Variants in TRPC7 observed in about 807,000 individuals in gnomAD.
TRPC7 encodes the protein transient receptor potential cation channel subfamily C member 7, also known as short transient receptor potential channel 7.
TRPC7 carries 42 observed loss-of-function variants against 90.1 expected under a neutral mutation model. The ratio of observed to expected loss-of-function variants is 0.47; its 90% CI spans 0.36 to 0.60. The LOEUF is 0.60. Ranked by LOEUF, TRPC7 falls within the 20% of genes least tolerant of loss-of-function variation. The pLI is 0.00. For synonymous variants in TRPC7, 451 were observed against 436.3 expected, an observed-to-expected ratio of 1.03 and a Z score of -0.42; for missense variants, 955 against 1,112.3, an observed-to-expected ratio of 0.86 and a Z score of 2.01.
At chr5:136,327,888 T>G (rs965009391) in intron 2 of TRPC7, among the ~76,000 whole-genome samples, 2 of 152,200 alleles carry the variant, frequency 1.3e-5, no homozygotes, top group African/African-American at 4.8e-5. Context: ...TGTTAAAATT[T>G]AACACACATG....
intron 8 of TRPC7, 77 bp from the exon 9 acceptor site, chr5:136,226,332 C>G: frequency 9.5e-7 from 1 of 1,051,042 alleles, no homozygotes; most frequent in Non-Finnish European, 1.4e-6. Context: ...GGAGCAGAGA[C>G]ACAGCCCCAA....
intron 2 of TRPC7, among the ~76,000 whole-genome samples, chr5:136,327,136 G>A (rs1170993241): frequency 4.6e-5 from 7 of 152,178 alleles, no homozygotes; most frequent in Non-Finnish European, 7.3e-5. Flanking sequence ...CTGAGCCAGC[G>A]TGTTGGAATG....
At chr5:136,271,339 C>T (rs1265676300) in intron 4 of TRPC7, among the ~76,000 whole-genome samples, 2 of 152,232 alleles carry the variant, frequency 1.3e-5, no homozygotes, top group Non-Finnish European at 2.9e-5. Flanking sequence ...TTCTCCTTCC[C>T]TGTTATAATT....
chr5:136,257,252 A>C (rs1580870124), intron 5 of TRPC7, among the ~76,000 whole-genome samples: 1 of 148,194 alleles, frequency 6.7e-6, no homozygotes, highest in South Asian at 2.1e-4. Context: ...GTGCGATCTC[A>C]GCTCACTGCA....
chr5:136,350,748 C>T (rs1234967130), intron 2 of TRPC7, among the ~76,000 whole-genome samples: 2 of 152,220 alleles, frequency 1.3e-5, no homozygotes, highest in African/African-American at 4.8e-5. Flanking sequence ...ACTTTGACTA[C>T]ATTTCACCTG....
At chr5:136,258,423 A>T (rs1272276686) in intron 5 of TRPC7, among the ~76,000 whole-genome samples, 1 of 152,214 alleles carries the variant, frequency 6.6e-6, no homozygotes, top group Non-Finnish European at 1.5e-5. Flanking sequence ...TGCCTCCAGC[A>T]TGTCAATCAC....
intron 2 of TRPC7, among the ~76,000 whole-genome samples, chr5:136,345,368 C>T (rs1163933835): frequency 6.6e-6 from 1 of 152,022 alleles, no homozygotes; most frequent in Non-Finnish European, 1.5e-5. Context: ...CCAGCCTGGC[C>T]AACATGGCGA....
chr5:136,262,236 T>C (rs370647371), intron 5 of TRPC7, among the ~76,000 whole-genome samples: 8 of 152,320 alleles, frequency 5.3e-5, no homozygotes, highest in Admixed American at 2.0e-4. Flanking sequence ...TCGTATGATG[T>C]CACTTTTGTG....
intron 4 of TRPC7, among the ~76,000 whole-genome samples, chr5:136,274,177 G>T (rs1055029289): frequency 6.6e-6 from 1 of 152,198 alleles, no homozygotes; most frequent in Non-Finnish European, 1.5e-5. Flanking sequence ...AGCTGTGTTT[G>T]ACTCCCAGCC....
chr5:136,342,108 C>T (rs1398913578), intron 2 of TRPC7, among the ~76,000 whole-genome samples: 1 of 152,144 alleles, frequency 6.6e-6, no homozygotes, highest in African/African-American at 2.4e-5. Flanking sequence ...CCTTTCTAAC[C>T]CCTAATGTGT....
chr5:136,218,693 G>A (rs751944652), intron 10 of TRPC7, among the ~76,000 whole-genome samples: 2 of 152,158 alleles, frequency 1.3e-5, no homozygotes, highest in Non-Finnish European at 2.9e-5. Flanking sequence ...AACTCTATTT[G>A]GCTGGGATAG....
chr5:136,255,349 TCAA>T lies in TRPC7; in HGVS notation c.1346-3470_1346-3468del, dbSNP rs1480283408. 6.6e-5 allele frequency among the ~76,000 whole-genome samples: 10 copies of T among 152,346 alleles called. 1 individual carries two copies. In the Middle Eastern group the frequency reaches 0.017, roughly 259 times the overall value. ...GAAATTGCCACGGCCACTTTAACCT[TCAA>T]CAACTACCATTCTGATCAGTCAGTG... On this transcript the variant is annotated intron_variant, in intron 5 of 11. Transcript: ENST00000513104.
intron 5 of TRPC7, among the ~76,000 whole-genome samples, chr5:136,253,583 C>T (rs530955491): frequency 1.7e-4 from 26 of 152,230 alleles, no homozygotes; most frequent in African/African-American, 5.8e-4. Context: ...ACTATTGTAA[C>T]TGATTGGGGG....
chr5:136,235,233 T>C (rs2149798714), intron 7 of TRPC7, among the ~76,000 whole-genome samples: 1 of 152,248 alleles, frequency 6.6e-6, no homozygotes, highest in South Asian at 2.1e-4. Context: ...GATAAATCAA[T>C]ATGAAAATGA....
At chr5:136,346,277 T>C (rs1180725173) in intron 2 of TRPC7, among the ~76,000 whole-genome samples, 1 of 152,146 alleles carries the variant, frequency 6.6e-6, no homozygotes, top group Non-Finnish European at 1.5e-5. Flanking sequence ...TATTCTTAGA[T>C]GGTGGAATTA....
chr5:136,240,982 G>A (rs552989509), intron 7 of TRPC7, among the ~76,000 whole-genome samples: 1 of 152,088 alleles, frequency 6.6e-6, no homozygotes, highest in African/African-American at 2.4e-5. Flanking sequence ...CTTGAAGCTG[G>A]GACAGTCCGT....
At chr5:136,246,814 A>G (rs1275887158) in intron 7 of TRPC7, among the ~76,000 whole-genome samples, 1 of 152,192 alleles carries the variant, frequency 6.6e-6, no homozygotes, top group Non-Finnish European at 1.5e-5. Flanking sequence ...TATTGAGTTT[A>G]CTACGTGAGT....
At chr5:136,254,815 A>T (rs1756640487) in intron 5 of TRPC7, among the ~76,000 whole-genome samples, 1 of 152,204 alleles carries the variant, frequency 6.6e-6, no homozygotes, top group Admixed American at 6.5e-5. Context: ...ATTGAAACCT[A>T]CTGGAAAGGA....
At chr5:136,283,745 T>C (rs1449127261) in intron 3 of TRPC7, among the ~76,000 whole-genome samples, 1 of 152,208 alleles carries the variant, frequency 6.6e-6, no homozygotes, top group African/African-American at 2.4e-5. Flanking sequence ...TTCTTACTTC[T>C]GGGAATTTTC....
Sources: gnomAD v4.1 joint callset for allele counts (sites outside exome capture counted in the v4.1 genomes callset) on GRCh38, gnomAD v4.1.1 for gene constraint, MANE v1.5 for transcripts, NCBI Gene and HGNC (gene_info 2026-07-23, HGNC 2026-07-21) for gene names.